ACTR3C: variants seen among roughly 807,000 people sequenced by gnomAD.
The protein encoded by ACTR3C is actin related protein 3C, also known as actin-related protein 3C.
A neutral mutation model predicts 26.3 loss-of-function variants in ACTR3C; 18 were observed. That is an observed-to-expected ratio of 0.68 (90% CI 0.47 to 1.01). The LOEUF (loss-of-function observed/expected upper bound fraction) is 1.01, where lower values mean the gene tolerates loss of function less well. Ranked by LOEUF, ACTR3C falls within the 50% of genes least tolerant of loss-of-function variation. The probability of loss-of-function intolerance (pLI) is 0.00; values close to 1 mark genes in which losing one functional copy is unlikely to be tolerated. For synonymous variants in ACTR3C, 55 were observed against 94.5 expected (o/e 0.58, Z 2.42); for missense variants, 184 against 250.7 (o/e 0.73, Z 1.80).
the ACTR3C span, among the ~76,000 whole-genome samples, chr7:150,049,024 T>A: frequency 1.1e-3 from 166 of 151,962 alleles, 3 homozygotes; most frequent in South Asian, 0.033. Flanking sequence ...TGCCCGCAAC[T>A]TTTCCAAAGC....
At chr7:150,039,777 A>C in the ACTR3C span, among the ~76,000 whole-genome samples, 3 of 104,250 alleles carry the variant, frequency 2.9e-5, no homozygotes, top group South Asian at 3.7e-4. Context: ...CCCCAGAGCC[A>C]GGGGGGGAAG....
At chr7:150,020,646 T>C in the ACTR3C span, among the ~76,000 whole-genome samples, 7 of 151,982 alleles carry the variant, frequency 4.6e-5, no homozygotes, top group South Asian at 8.3e-4. Flanking sequence ...TGATCCACCT[T>C]GGTACGCATC....
the ACTR3C span, among the ~76,000 whole-genome samples, chr7:150,137,345 A>G: frequency 7.2e-5 from 11 of 152,156 alleles, no homozygotes; most frequent in African/African-American, 2.7e-4. Flanking sequence ...TCCTCTTGCT[A>G]TGAAGGAGCA....
chr7:150,283,257 C>T lies in ACTR3C; in HGVS notation c.564+1496G>A, dbSNP rs892069448. ...GCTGCTGCTTTCACTGATGAGGAGA[C>T]ACAGCTAATGTCAGGCGGGATTGAA... On this transcript the variant is annotated intron_variant, in intron 6 of 7. Coordinates refer to ENST00000683684, the MANE Select transcript of ACTR3C (RefSeq NM_001164458.2). Among the ~76,000 whole-genome samples the T allele has an allele frequency of 8.7e-5, 13 of 150,010 alleles. 1 individual carries two copies. Among genetic ancestry groups the T allele is most frequent in the African/African-American group, 3.3e-4 (13 of 39,382 alleles).
At chr7:150,078,951 C>T in the ACTR3C span, among the ~76,000 whole-genome samples, 2 of 152,136 alleles carry the variant, frequency 1.3e-5, no homozygotes, top group Admixed American at 1.3e-4. Context: ...GATGAGTGAG[C>T]TGATGGAACT....
the ACTR3C span, among the ~76,000 whole-genome samples, chr7:149,903,486 G>A: frequency 6.7e-6 from 1 of 150,140 alleles, no homozygotes; most frequent in Non-Finnish European, 1.5e-5. Context: ...CGACAGCAAC[G>A]AAAACTTAAA....
the ACTR3C span, among the ~76,000 whole-genome samples, chr7:150,082,947 C>T: frequency 6.8e-3 from 737 of 108,044 alleles, no homozygotes; most frequent in African/African-American, 7.6e-3. Flanking sequence ...TTTTTTTTTT[C>T]TTTTTTTTTT....
the ACTR3C span, among the ~76,000 whole-genome samples, chr7:150,050,196 G>A: frequency 5.3e-5 from 8 of 152,160 alleles, no homozygotes; most frequent in African/African-American, 1.9e-4. Flanking sequence ...TATAGATGCA[G>A]TTAGGGTCCC....
At chr7:150,198,201 C>T in the ACTR3C span, among the ~76,000 whole-genome samples, 1 of 149,178 alleles carries the variant, frequency 6.7e-6, no homozygotes, top group Non-Finnish European at 1.5e-5. Flanking sequence ...CTACAACCTA[C>T]ACCTCCCAGC....
the ACTR3C span, among the ~76,000 whole-genome samples, chr7:149,943,866 C>T: frequency 1.4e-5 from 2 of 144,388 alleles, no homozygotes; most frequent in Admixed American, 6.7e-5. Context: ...GCTGCAATTG[C>T]GGCCATCACA....
Position 150,284,793 on chromosome 7 carries a change from A to G in ACTR3C, c.524T>C (p.Ile175Thr), listed in dbSNP as rs543022883. 6.2e-7 allele frequency: 1 copy of G among 1,613,554 alleles called. No individual in the cohort carries two copies. Among genetic ancestry groups the G allele is most frequent in the East Asian group, 2.2e-5 (1 of 44,876 alleles). Residue 175 changes from isoleucine (I) to threonine (T), a missense_variant, in exon 6 of 8, where the codon ATA becomes ACA. Ile to Thr is a moderately conservative substitution (Grantham distance 89). Transcript: ENST00000683684. The part of the protein sequence containing the change: ...ESISDVVDEV[I>T]QNCPIDVRRP... ...CCGCACATCGATGGGGCAGTTCTGT[A>G]TTACTTCATCAACAACATCTGAGAT...
chr7:150,185,319 GTGTA>G, the ACTR3C span, among the ~76,000 whole-genome samples: 6 of 149,856 alleles, frequency 4.0e-5, no homozygotes, highest in South Asian at 8.4e-4. Context: ...GTGTGTGTGT[GTGTA>G]TTCTCTGGGC....
At chr7:150,180,624 C>T in the ACTR3C span, among the ~76,000 whole-genome samples, 752 of 147,008 alleles carry the variant, frequency 5.1e-3, 25 homozygotes, top group African/African-American at 0.016. Context: ...GCCATTCTCC[C>T]GCCTCAGCCT....
the ACTR3C span, among the ~76,000 whole-genome samples, chr7:149,891,607 C>T: frequency 0.61 from 92,215 of 151,164 alleles, 30,174 homozygotes; most frequent in South Asian, 0.79. Flanking sequence ...GGAGGCTCAC[C>T]CGAGCCCAGG....
At chr7:150,252,797 G>A (rs1215213123) in intron 6 of ACTR3C, among the ~76,000 whole-genome samples, 1 of 152,170 alleles carries the variant, frequency 6.6e-6, no homozygotes, top group Non-Finnish European at 1.5e-5. Flanking sequence ...GGAATAGGAT[G>A]TATCCTCGAA....
the ACTR3C span, among the ~76,000 whole-genome samples, chr7:149,885,149 C>T: frequency 1.8e-4 from 28 of 152,254 alleles, no homozygotes; most frequent in African/African-American, 5.8e-4. Context: ...ATAAATGTCT[C>T]CAGCCATTTT....
chr7:150,288,266 G>A (rs375843056), intron 4 of ACTR3C, among the ~76,000 whole-genome samples: 9 of 150,094 alleles, frequency 6.0e-5, no homozygotes, highest in African/African-American at 1.7e-4. Flanking sequence ...CCAACAGCCC[G>A]TGAGGAGAGT....
chr7:150,257,091 A>C (rs1209253917), intron 6 of ACTR3C, among the ~76,000 whole-genome samples: 1 of 152,240 alleles, frequency 6.6e-6, no homozygotes, highest in Non-Finnish European at 1.5e-5. Context: ...AAAAATCAAA[A>C]CATAGTTTGT....
the ACTR3C span, among the ~76,000 whole-genome samples, chr7:150,125,562 TA>T: frequency 3.8e-3 from 572 of 151,904 alleles, no homozygotes; most frequent in South Asian, 0.014. Context: ...ATAAGTGAAA[TA>T]ATTTTTTTTT....
Sources: allele counts gnomAD v4.1 joint callset (sites outside exome capture counted in the v4.1 genomes callset), GRCh38; gene constraint gnomAD v4.1.1; transcripts MANE v1.5; gene names NCBI Gene and HGNC (gene_info 2026-07-23, HGNC 2026-07-21).